The following CDYL variants were observed in gnomAD, a reference collection of about 807,000 sequenced individuals.
CDYL encodes chromodomain Y-like protein.
Under a neutral mutation model 47.3 loss-of-function variants are expected in CDYL, and 8 were observed. The ratio of observed to expected loss-of-function variants is 0.17; its 90% confidence interval spans 0.10 to 0.31. The LOEUF is 0.31. Ranked by LOEUF, CDYL falls within the 10% of genes least tolerant of loss-of-function variation. The probability of loss-of-function intolerance (pLI) is 1.00; values close to 1 mark genes in which losing one functional copy is unlikely to be tolerated. For missense variants in CDYL, 471 were observed against 701.4 expected, an observed-to-expected ratio of 0.67 and a Z score of 3.71; for synonymous variants, 266 against 265.0, an observed-to-expected ratio of 1.00 and a Z score of -0.04.
chr6:4,821,260 C>CTTTTT lies in CDYL; in HGVS notation c.24+44478_24+44482dup, dbSNP rs1176819548. The stretch of plus-strand genomic sequence containing the variant: ...TGATTATCATGGTCATATGGGAATT[C>CTTTTT]TTTTTTTTTTTTTTTTTTTTTTTTT... On this transcript the variant is annotated intron_variant, in intron 1 of 6. Coordinates refer to ENST00000397588, the MANE Select transcript of CDYL (RefSeq NM_004824.4). 6.8e-4 allele frequency among the ~76,000 whole-genome samples: 41 copies of CTTTTT among 60,384 alleles called. 2 individuals are homozygous for CTTTTT. The highest frequency in any genetic ancestry group is 5.1e-3 in the East Asian group (9 of 1,768). 39.6% of individuals were successfully genotyped at this position (60,384 alleles called of 152,430 possible). A position where few individuals can be genotyped will look rare whatever the true frequency, so the allele number is the denominator to read the frequency against.
intron 2 of CDYL, chr6:4,734,651 A>AGGGGGC: frequency 7.1e-7 from 1 of 1,414,862 alleles, no homozygotes; most frequent in Non-Finnish European, 9.5e-7. Flanking sequence ...CTAATTCAGG[A>AGGGGGC]AGGGGAGGGC....
chr6:4,929,564 T>C (rs1159785167), intron 2 of CDYL, among the ~76,000 whole-genome samples: 4 of 150,828 alleles, frequency 2.7e-5, no homozygotes, highest in Non-Finnish European at 3.0e-5. Flanking sequence ...AAATTACACA[T>C]ATGCTAGACT....
chr6:4,867,188 G>A (rs1761347242), intron 1 of CDYL, among the ~76,000 whole-genome samples: 1 of 151,678 alleles, frequency 6.6e-6, no homozygotes, highest in Middle Eastern at 3.2e-3. Context: ...GTTGTTTCTG[G>A]AGTATGTTAA....
chr6:4,854,887 G>A (rs1760960350), intron 1 of CDYL, among the ~76,000 whole-genome samples: 1 of 152,202 alleles, frequency 6.6e-6, no homozygotes, highest in Non-Finnish European at 1.5e-5. Context: ...ATTAAAGGAA[G>A]AAGTCTACAG....
At chr6:4,937,510 T>TA in intron 3 of CDYL, 55 bp from the exon 4 acceptor site, 1 of 1,436,086 alleles carries the variant, frequency 7.0e-7, no homozygotes, top group Admixed American at 2.7e-5. Flanking sequence ...AAAAAATGCT[T>TA]TAAGATTTTA....
chr6:4,836,067 C>T (rs1011785344), intron 1 of CDYL: 1 of 155,766 alleles, frequency 6.4e-6, no homozygotes, highest in Non-Finnish European at 1.4e-5. Context: ...TCGGCTTGCG[C>T]ACGGTGCGCT....
At chr6:4,710,455 T>A (rs898198801) in intron 1 of CDYL, among the ~76,000 whole-genome samples, 1 of 148,968 alleles carries the variant, frequency 6.7e-6, no homozygotes. Context: ...TTCTGGAGAA[T>A]GAGTCCAGCA....
At chr6:4,734,308 TGTC>T (rs1757662120) in intron 2 of CDYL, among the ~76,000 whole-genome samples, 1 of 152,168 alleles carries the variant, frequency 6.6e-6, no homozygotes, top group Non-Finnish European at 1.5e-5. Flanking sequence ...AGGGCACTGT[TGTC>T]TGATGCATAC....
chr6:4,728,970 G>T (rs932396549), intron 2 of CDYL, among the ~76,000 whole-genome samples: 2 of 152,126 alleles, frequency 1.3e-5, no homozygotes, highest in African/African-American at 4.8e-5. Context: ...TACTTCCCAA[G>T]CCCAGTCCCA....
chr6:4,917,382 C>G (rs1757587220), intron 2 of CDYL, among the ~76,000 whole-genome samples: 5 of 152,138 alleles, frequency 3.3e-5, no homozygotes, highest in African/African-American at 1.2e-4. Flanking sequence ...CTGACTGTTT[C>G]TGTGTGGTGG....
At chr6:4,797,016 T>C (rs1309629537) in intron 1 of CDYL, among the ~76,000 whole-genome samples, 2 of 152,198 alleles carry the variant, frequency 1.3e-5, no homozygotes, top group Non-Finnish European at 2.9e-5. Context: ...TGAATTCTGC[T>C]TATCTGTTAT....
At chr6:4,890,239 A>C (rs1762005605) in intron 1 of CDYL, 2 of 786,358 alleles carry the variant, frequency 2.5e-6, no homozygotes, top group South Asian at 5.8e-5. Context: ...AACGTCATCT[A>C]TGTGGACTTT....
At chr6:4,710,678 G>C (rs1757135473) in intron 1 of CDYL, among the ~76,000 whole-genome samples, 3 of 152,064 alleles carry the variant, frequency 2.0e-5, no homozygotes, top group African/African-American at 7.2e-5. Context: ...AGGTCCCACA[G>C]GCACGCTGTG....
chr6:4,948,647 C>G (rs1258511432), intron 5 of CDYL, among the ~76,000 whole-genome samples: 1 of 152,170 alleles, frequency 6.6e-6, no homozygotes, highest in Non-Finnish European at 1.5e-5. Flanking sequence ...GCCCACGGGA[C>G]AGCCCTGCTT....
At chr6:4,826,049 G>A (rs1759973885) in intron 1 of CDYL, among the ~76,000 whole-genome samples, 1 of 152,090 alleles carries the variant, frequency 6.6e-6, no homozygotes, top group South Asian at 2.1e-4. Context: ...TTAGTGGGAC[G>A]GTCTCAGGCA....
At chr6:4,906,388 G>C (rs1168213514) in intron 2 of CDYL, among the ~76,000 whole-genome samples, 1 of 152,216 alleles carries the variant, frequency 6.6e-6, no homozygotes, top group Non-Finnish European at 1.5e-5. Flanking sequence ...AGCTAGGTGA[G>C]TGCGGAAGAT....
intron 5 of CDYL, among the ~76,000 whole-genome samples, chr6:4,944,323 G>A (rs1172160351): frequency 6.6e-6 from 1 of 152,240 alleles, no homozygotes; most frequent in Non-Finnish European, 1.5e-5. Flanking sequence ...GGCACGTGGA[G>A]AATTAGCAGG....
At chr6:4,760,877 C>G (rs71555867) in intron 3 of CDYL, among the ~76,000 whole-genome samples, 1 of 150,904 alleles carries the variant, frequency 6.6e-6, no homozygotes, top group Non-Finnish European at 1.5e-5. Flanking sequence ...CTGGGATTCT[C>G]TCTCAACCAA....
At chr6:4,710,112 C>T (rs1231444827) in intron 1 of CDYL, among the ~76,000 whole-genome samples, 1 of 152,066 alleles carries the variant, frequency 6.6e-6, no homozygotes, top group Non-Finnish European at 1.5e-5. Flanking sequence ...ATCCCAGCTA[C>T]TCAGGAGTCC....
Sources: allele counts gnomAD v4.1 joint callset (sites outside exome capture counted in the v4.1 genomes callset), GRCh38; gene constraint gnomAD v4.1.1; transcripts MANE v1.5; gene names NCBI Gene and HGNC (gene_info 2026-07-23, HGNC 2026-07-21).